Variants in ELF1 observed in about 807,000 individuals in gnomAD.
The protein encoded by ELF1 is ETS-related transcription factor Elf-1.
In ELF1, 24 loss-of-function variants were observed where a neutral mutation model predicts 59.9. The ratio of observed to expected loss-of-function variants is 0.40; its 90% CI spans 0.29 to 0.56. ELF1 has a LOEUF of 0.56. Among genes scored for constraint, ELF1 ranks in the 20% least tolerant of loss-of-function variants. The probability of loss-of-function intolerance (pLI) is 0.44; values close to 1 mark genes in which losing one functional copy is unlikely to be tolerated. For synonymous variants in ELF1, 248 were observed against 266.2 expected (o/e 0.93, Z 0.67); for missense variants, 627 against 742.2 (o/e 0.84, Z 1.80).
chr13:41,054,035 C>A (rs900441460), intron 1 of ELF1, among the ~76,000 whole-genome samples: 4 of 151,922 alleles, frequency 2.6e-5, no homozygotes, highest in African/African-American at 7.3e-5. Flanking sequence ...AAGGATAATA[C>A]CATATGTCTT....
At chr13:40,960,992 A>G (rs995367219) in intron 2 of ELF1, among the ~76,000 whole-genome samples, 1 of 152,212 alleles carries the variant, frequency 6.6e-6, no homozygotes, top group South Asian at 2.1e-4. Context: ...TAAATGTAAG[A>G]AAAAGTTCCT....
At chr13:40,991,898 A>C (rs1478743639) in intron 1 of ELF1, among the ~76,000 whole-genome samples, 2 of 152,226 alleles carry the variant, frequency 1.3e-5, no homozygotes, top group Non-Finnish European at 2.9e-5. Context: ...AACTGCAAGT[A>C]GTGATTTGGG....
intron 8 of ELF1, among the ~76,000 whole-genome samples, chr13:40,935,124 T>C (rs778443012): frequency 6.6e-6 from 1 of 152,236 alleles, no homozygotes; most frequent in Non-Finnish European, 1.5e-5. Flanking sequence ...TTAATCCCAC[T>C]CATTGAAGAG....
At chr13:40,955,761 C>T (rs111231445) in intron 3 of ELF1, among the ~76,000 whole-genome samples, 6 of 109,510 alleles carry the variant, frequency 5.5e-5, no homozygotes, top group African/African-American at 1.1e-4. Context: ...CCGCCCCGTC[C>T]GGGAGGGAGG....
chr13:41,010,808 G>A (rs1245398387), intron 1 of ELF1, among the ~76,000 whole-genome samples: 1 of 152,076 alleles, frequency 6.6e-6, no homozygotes, highest in African/African-American at 2.4e-5. Flanking sequence ...CTCAGACAAT[G>A]AAATCTTATG....
At chr13:41,061,376 C>A in exon 1 of ELF1, 1 of 526,282 alleles carries the variant, frequency 1.9e-6, no homozygotes, top group Non-Finnish European at 3.4e-6. Context: ...CAGGTCCCGT[C>A]GCGCTTTTAC....
intron 1 of ELF1, among the ~76,000 whole-genome samples, chr13:41,027,438 C>G (rs571107032): frequency 6.6e-6 from 1 of 152,206 alleles, no homozygotes; most frequent in African/African-American, 2.4e-5. Context: ...AGGTTATTCA[C>G]GGGCTTAGCA....
intron 1 of ELF1, chr13:40,993,130 C>A (rs1465420808): frequency 1.3e-5 from 21 of 1,565,198 alleles, no homozygotes; most frequent in Middle Eastern, 2.3e-4. Context: ...TTTTGGCATT[C>A]CTCTAGGACC....
rs554369497 is a variant in ELF1, at chr13:41,001,431, T to A, written c.-229+17797A>T. On this transcript the variant is annotated intron_variant, in intron 1 of 8. Transcript: ENST00000239882. ...AGCAAGACTCCATCTATCTTTTTTT[T>A]AAAAAGAGAACCACATCCATATTTT... 9.2e-5 allele frequency among the ~76,000 whole-genome samples: 14 copies of A among 152,166 alleles called. No homozygotes were observed. The South Asian group carries it at 1.0e-3, about 11-fold the overall frequency.
intron 3 of ELF1, among the ~76,000 whole-genome samples, chr13:40,955,420 T>TG (rs1184681134): frequency 7.1e-5 from 8 of 112,936 alleles, no homozygotes; most frequent in Non-Finnish European, 9.3e-5. Context: ...GGGAAGGAGG[T>TG]GGGGGGGTCA....
chr13:41,030,461 G>T (rs73176940), intron 1 of ELF1, among the ~76,000 whole-genome samples: 3 of 152,210 alleles, frequency 2.0e-5, no homozygotes, highest in African/African-American at 7.2e-5. Flanking sequence ...AGTAATTTTG[G>T]GTCAGGTGTG....
chr13:40,970,819 C>T (rs962199626), intron 2 of ELF1, among the ~76,000 whole-genome samples: 3 of 152,146 alleles, frequency 2.0e-5, no homozygotes, highest in African/African-American at 7.2e-5. Context: ...GTACTTTCAA[C>T]TAAAAAAACT....
chr13:41,057,392 C>CT (rs893210601), intron 1 of ELF1, among the ~76,000 whole-genome samples: 35 of 151,390 alleles, frequency 2.3e-4, no homozygotes, highest in African/African-American at 7.8e-4. Context: ...CACTTTTTCT[C>CT]TTTTTTTTCC....
intron 1 of ELF1, among the ~76,000 whole-genome samples, chr13:41,016,947 A>AATATATATATATAT (rs1276103107): frequency 9.3e-4 from 23 of 24,736 alleles, no homozygotes; most frequent in Non-Finnish European, 1.3e-3. Context: ...AAAAAAAAAA[A>AATATATATATATAT]ATATATATAT....
intron 1 of ELF1, among the ~76,000 whole-genome samples, chr13:41,059,411 C>A (rs1029488888): frequency 6.6e-6 from 1 of 152,180 alleles, no homozygotes; most frequent in Admixed American, 6.5e-5. Context: ...TTAATGAAGA[C>A]GATTTAAAAT....
exon 1 of ELF1, chr13:41,060,952 C>G (rs999341461): frequency 5.6e-5 from 20 of 357,956 alleles, no homozygotes; most frequent in South Asian, 2.6e-4. Flanking sequence ...GCCGCTGCTG[C>G]TGCCCACACG....
At chr13:41,008,530 C>A (rs1392536118) in intron 1 of ELF1, among the ~76,000 whole-genome samples, 1 of 151,586 alleles carries the variant, frequency 6.6e-6, no homozygotes, top group Non-Finnish European at 1.5e-5. Flanking sequence ...TTTGCAATAC[C>A]CAAATGACTC....
chr13:41,043,003 G>T (rs1876685677), intron 1 of ELF1, among the ~76,000 whole-genome samples: 1 of 152,164 alleles, frequency 6.6e-6, no homozygotes, highest in Admixed American at 6.5e-5. Context: ...ATTCTAACTG[G>T]TGTAAGATGG....
In ELF1 at chr13:40,949,873, CTG is replaced by C; in HGVS notation, c.460_461del (p.Gln154AlafsTer19). 1 of 1,614,114 alleles carries C rather than the reference CTG, an allele frequency of 6.2e-7. No individual in the cohort carries two copies. Among genetic ancestry groups the C allele is most frequent in the Non-Finnish European group, 8.5e-7 (1 of 1,180,012 alleles). On this transcript the variant is annotated frameshift_variant, in exon 5 of 9. Transcript: ENST00000239882. LOFTEE classifies it high-confidence loss of function. ...AGTCTGCATATTTTTCTTGCACCTG[CTG>C]TGTTTCCATCACTTCAGGAATCCCA... ...LDGIPEVMET[Q>X]QVQEKYADSP...
Sources: gnomAD v4.1 joint callset for allele counts (sites outside exome capture counted in the v4.1 genomes callset) on GRCh38, gnomAD v4.1.1 for gene constraint, MANE v1.5 for transcripts, NCBI Gene and HGNC (gene_info 2026-07-23, HGNC 2026-07-21) for gene names.